LCK: variants seen among roughly 807,000 people sequenced by gnomAD.
LCK encodes the protein LCK proto-oncogene, Src family tyrosine kinase, also known as tyrosine-protein kinase Lck.
In LCK, 14 loss-of-function variants were observed where a neutral mutation model predicts 64.6. That is an observed-to-expected ratio of 0.22 (90% confidence interval 0.14 to 0.34). The LOEUF (loss-of-function observed/expected upper bound fraction) is 0.34, where lower values mean the gene tolerates loss of function less well. LCK is among the 10% of genes least tolerant of loss of function. The pLI is 1.00. For missense variants in LCK, 434 were observed against 668.1 expected, an observed-to-expected ratio of 0.65 and a Z score of 3.86; for synonymous variants, 277 against 263.6, an observed-to-expected ratio of 1.05 and a Z score of -0.49.
At chr1:32,255,927 G>A (rs1387482785) in intron 1 of LCK, among the ~76,000 whole-genome samples, 1 of 149,218 alleles carries the variant, frequency 6.7e-6, no homozygotes, top group African/African-American at 2.5e-5. Context: ...TCAGCTTCCT[G>A]AGTAGCCTAG....
At chr1:32,260,816 C>T (rs557960883) in intron 1 of LCK, among the ~76,000 whole-genome samples, 1 of 151,884 alleles carries the variant, frequency 6.6e-6, no homozygotes, top group South Asian at 2.1e-4. Flanking sequence ...GAGATGAGTT[C>T]TCACCATGTT....
intron 2 of LCK, 94 bp from the exon 3 acceptor site, chr1:32,274,643 G>C (rs946796068): frequency 2.4e-5 from 26 of 1,101,356 alleles, no homozygotes; most frequent in Non-Finnish European, 3.2e-5. Context: ...ATCTAACCAG[G>C]CTGGAGAGGC....
intron 1 of LCK, among the ~76,000 whole-genome samples, chr1:32,271,617 T>C (rs1369291202): frequency 6.6e-6 from 1 of 152,134 alleles, no homozygotes; most frequent in Non-Finnish European, 1.5e-5. Flanking sequence ...TGAGTTAGGA[T>C]TGGGTCATTG....
At chr1:32,265,805 T>C (rs542152640) in intron 1 of LCK, among the ~76,000 whole-genome samples, 41 of 152,272 alleles carry the variant, frequency 2.7e-4, no homozygotes, top group African/African-American at 9.1e-4. Flanking sequence ...CCATAGTTTA[T>C]CTCTTCTCCT....
At position 32,258,622 on chromosome 1, in the gene LCK, T is replaced by TAAAAAACACGTCTCTACTA. The variant is rs1159275026; in HGVS notation, c.-6+7256_-6+7274dup. Among the ~76,000 whole-genome samples, 3 of 151,374 alleles carry TAAAAAACACGTCTCTACTA rather than the reference T, an allele frequency of 2.0e-5. No homozygotes were observed. The East Asian group carries it at 5.8e-4, about 29-fold the overall frequency. Reference sequence around the variant, plus strand: ...TAGTGAAACTAAAATTAGTTTCTACTAAAAAACACGTCTCTACTAAAAATA... The same window carrying TAAAAAACACGTCTCTACTA: ...TAGTGAAACTAAAATTAGTTTCTACTAAAAAACACGTCTCTACTAAAAAAACACGTCTCTACTAAAAATA... On this transcript the variant is annotated intron_variant, in intron 1 of 12. Transcript: ENST00000336890.
chr1:32,276,618 G>T lies in LCK; in HGVS notation c.796G>T (p.Gly266Trp), dbSNP rs780917159. Residue 266 changes from glycine to tryptophan, a missense_variant, in exon 9 of 13, where the codon GGG (glycine) becomes TGG (tryptophan). Around this residue, in one of 2 missense-constraint regions of LCK, gnomAD observed 201 missense variants for 376.9 expected, o/e 0.53. Transcript: ENST00000336890. This position sits in a 1 kb window ranked among gnomAD's most constrained non-coding sequence, Gnocchi z 4.6. ...CTTCCCCGACCCAGGGTACTACAACGGGCACACGAAGGTGGCGGTGAAGAG... is the reference window on the plus strand; with the variant it reads ...CTTCCCCGACCCAGGGTACTACAACTGGCACACGAAGGTGGCGGTGAAGAG... Reference protein sequence around the residue: ...FGEVWMGYYNGHTKVAVKSLK... With the variant: ...FGEVWMGYYNWHTKVAVKSLK... 3 of 1,611,490 alleles carry T rather than the reference G, an allele frequency of 1.9e-6. No homozygotes were observed. The highest frequency in any genetic ancestry group is 2.5e-6 in the Non-Finnish European group (3 of 1,178,506).
At chr1:32,265,145 T>C (rs1382220024) in intron 1 of LCK, among the ~76,000 whole-genome samples, 2 of 150,436 alleles carry the variant, frequency 1.3e-5, no homozygotes, top group Non-Finnish European at 2.9e-5. Flanking sequence ...ATTGCGCCAC[T>C]GCACTCCAGC....
intron 1 of LCK, among the ~76,000 whole-genome samples, chr1:32,265,955 A>T (rs1639896808): frequency 6.6e-6 from 1 of 151,994 alleles, no homozygotes; most frequent in South Asian, 2.1e-4. Context: ...GAGCTACAGC[A>T]CCCGGCCTTG....
chr1:32,279,584 C>T (rs1194353631), intron 9 of LCK, 87 bp from the exon 10 acceptor site: 1 of 1,602,990 alleles, frequency 6.2e-7, no homozygotes. Flanking sequence ...ATGTCAGACA[C>T]ACTTCTAGAC....
At chr1:32,264,322 C>G (rs1211991683) in intron 1 of LCK, among the ~76,000 whole-genome samples, 2 of 152,008 alleles carry the variant, frequency 1.3e-5, no homozygotes, top group Non-Finnish European at 2.9e-5. Context: ...CCCCTCCACC[C>G]TTAGACTTTC....
intron 1 of LCK, among the ~76,000 whole-genome samples, chr1:32,256,255 A>G (rs1337103362): frequency 6.6e-6 from 1 of 151,842 alleles, no homozygotes; most frequent in African/African-American, 2.4e-5. Flanking sequence ...CTCCTGCCTC[A>G]GCTTCCCAAG....
intron 1 of LCK, among the ~76,000 whole-genome samples, chr1:32,256,459 G>C (rs112243216): frequency 7.2e-5 from 11 of 151,898 alleles, no homozygotes; most frequent in African/African-American, 2.4e-4. Context: ...TTAGCCAGGC[G>C]TGGTGGCAGG....
intron 1 of LCK, among the ~76,000 whole-genome samples, chr1:32,268,813 CA>C (rs1203257987): frequency 0.028 from 1,497 of 53,260 alleles, 12 homozygotes; most frequent in African/African-American, 0.074. Context: ...AACTCCGTCT[CA>C]AAAAAAAAAA....
intron 1 of LCK, among the ~76,000 whole-genome samples, chr1:32,266,885 C>G (rs1366519096): frequency 7.3e-6 from 1 of 137,182 alleles, no homozygotes; most frequent in Admixed American, 7.6e-5. Context: ...CCTATACATT[C>G]CCTCTTCTTA....
At chr1:32,267,745 T>C (rs889598739) in intron 1 of LCK, among the ~76,000 whole-genome samples, 12 of 151,108 alleles carry the variant, frequency 7.9e-5, no homozygotes, top group Non-Finnish European at 1.0e-4. Flanking sequence ...AAATACAGAA[T>C]TAGCCGGGTG....
At chr1:32,258,884 G>A (rs1388350597) in intron 1 of LCK, among the ~76,000 whole-genome samples, 4 of 151,166 alleles carry the variant, frequency 2.6e-5, no homozygotes, top group East Asian at 1.9e-4. Flanking sequence ...TTATCCAGGC[G>A]TGGTGTTGCC....
intron 1 of LCK, among the ~76,000 whole-genome samples, chr1:32,261,312 A>T (rs998191456): frequency 3.8e-5 from 5 of 132,254 alleles, no homozygotes; most frequent in Non-Finnish European, 7.7e-5. Context: ...CAGTGGCGTG[A>T]TGTCCACTCA....
chr1:32,276,283 G>C lies in LCK; in HGVS notation c.632-54G>C. 6.6e-7 allele frequency: 1 copy of C among 1,521,258 alleles called. No individual in the cohort carries two copies. 94.2% of individuals were successfully genotyped at this position (1,521,258 alleles called of 1,614,324 possible). On this transcript the variant is annotated intron_variant, in intron 7 of 12. Coordinates refer to ENST00000336890, the MANE Select transcript of LCK (RefSeq NM_005356.5). This position sits in a 1 kb window ranked among gnomAD's most constrained non-coding sequence, Gnocchi z 4.6. ...GGCTTGGAGAAGTGGGGGAGGTGGT[G>C]TCAATACGAGGCCTGCCCTATTGAC...
At position 32,274,442 on chromosome 1, in the gene LCK, G is replaced by T. The variant is rs1214051730; in HGVS notation, c.105+8G>T. 6.2e-7 allele frequency: 1 copy of T among 1,604,582 alleles called. No individual in the cohort carries two copies. The highest frequency in any genetic ancestry group is 1.7e-5 in the Admixed American group (1 of 59,616). ...CTGGATGGCAAGGGCACGGTAAGAG[G>T]CGAGACAGGGGCCTTGGTGAGGGAG... On this transcript the variant is annotated splice_region_variant and intron_variant, in intron 2 of 12. Coordinates refer to ENST00000336890, the MANE Select transcript of LCK (RefSeq NM_005356.5).
Sources: gnomAD v4.1 joint callset for allele counts (sites outside exome capture counted in the v4.1 genomes callset) on GRCh38, gnomAD v4.1.1 for gene constraint, gnomAD v4.1.1 regional missense constraint, Gnocchi (gnomAD v3.1) non-coding constraint, MANE v1.5 for transcripts, NCBI Gene and HGNC (gene_info 2026-07-23, HGNC 2026-07-21) for gene names.